RBFOX1: variants seen among roughly 807,000 people sequenced by gnomAD.
RBFOX1 encodes RNA binding protein fox-1 homolog 1.
RBFOX1 carries 8 observed loss-of-function variants against 57.7 expected under a neutral mutation model. That is an observed-to-expected ratio of 0.14 (90% CI 0.08 to 0.25). The LOEUF (loss-of-function observed/expected upper bound fraction) is 0.25, where lower values mean the gene tolerates loss of function less well. Ranked by LOEUF, RBFOX1 falls within the 10% of genes least tolerant of loss-of-function variation. The probability of loss-of-function intolerance (pLI) is 1.00; values close to 1 mark genes in which losing one functional copy is unlikely to be tolerated. For missense variants in RBFOX1, 611 were observed against 548.5 expected (o/e 1.11, Z -1.14); for synonymous variants, 326 against 222.4 (o/e 1.47, Z -4.15).
chr16:6,114,881 G>C (rs754796260), intron 1 of RBFOX1, among the ~76,000 whole-genome samples: 1 of 152,118 alleles, frequency 6.6e-6, no homozygotes, highest in Non-Finnish European at 1.5e-5. Context: ...TAACTCATAG[G>C]CACTGAGCCC....
chr16:5,632,270 G>A (rs1404592659), intron 3 of RBFOX1, among the ~76,000 whole-genome samples: 1 of 152,222 alleles, frequency 6.6e-6, no homozygotes. Context: ...GAGTAAGGAT[G>A]AATATGGGAG....
chr16:6,467,612 A>T (rs994213770), intron 2 of RBFOX1, among the ~76,000 whole-genome samples: 1 of 152,158 alleles, frequency 6.6e-6, no homozygotes, highest in Non-Finnish European at 1.5e-5. Context: ...GTTGTTTCCT[A>T]TTAAAAGGAA....
At chr16:6,940,368 C>T (rs1014607011) in intron 3 of RBFOX1, among the ~76,000 whole-genome samples, 2 of 152,164 alleles carry the variant, frequency 1.3e-5, no homozygotes, top group Admixed American at 1.3e-4. Context: ...ACATTGCTCA[C>T]TTCCCATCCG....
chr16:5,803,591 C>T (rs2055129840), intron 3 of RBFOX1, among the ~76,000 whole-genome samples: 1 of 152,284 alleles, frequency 6.6e-6, no homozygotes, highest in African/African-American at 2.4e-5. Flanking sequence ...CTCCACAAAG[C>T]ACACTTTGTT....
intron 3 of RBFOX1, among the ~76,000 whole-genome samples, chr16:6,817,941 T>C (rs1429927031): frequency 2.0e-5 from 3 of 152,146 alleles, no homozygotes; most frequent in African/African-American, 7.2e-5. Flanking sequence ...TGTCTCTCTG[T>C]TGGGCTTCAG....
chr16:6,788,016 A>T (rs967007070), intron 3 of RBFOX1, among the ~76,000 whole-genome samples: 2 of 152,090 alleles, frequency 1.3e-5, no homozygotes, highest in Non-Finnish European at 2.9e-5. Flanking sequence ...TGAGGTCAGG[A>T]GTTCGAGACC....
At chr16:6,170,440 T>A (rs2096951752) in intron 1 of RBFOX1, among the ~76,000 whole-genome samples, 1 of 152,174 alleles carries the variant, frequency 6.6e-6, no homozygotes, top group African/African-American at 2.4e-5. Flanking sequence ...AATTGTGGGC[T>A]CCTCTTCTGC....
chr16:7,420,375 G>A (rs890298600), intron 4 of RBFOX1, among the ~76,000 whole-genome samples: 1 of 152,146 alleles, frequency 6.6e-6, no homozygotes. Flanking sequence ...GGTTCAAAGA[G>A]ATTGAGGTAT....
chr16:5,327,806 C>A (rs1207716123), intron 1 of RBFOX1, among the ~76,000 whole-genome samples: 1 of 152,158 alleles, frequency 6.6e-6, no homozygotes, highest in Non-Finnish European at 1.5e-5. Flanking sequence ...CCTGTTAGTA[C>A]CCCTTGTAAA....
At chr16:5,858,972 T>C (rs983495768) in intron 3 of RBFOX1, among the ~76,000 whole-genome samples, 2 of 152,146 alleles carry the variant, frequency 1.3e-5, no homozygotes, top group Non-Finnish European at 2.9e-5. Context: ...CCCAGCCCTT[T>C]GGGAAGTTGA....
chr16:5,748,120 A>G (rs1328326235), intron 3 of RBFOX1, among the ~76,000 whole-genome samples: 1 of 152,070 alleles, frequency 6.6e-6, no homozygotes. Context: ...TTCTGCCTTC[A>G]TTTCGTTATG....
chr16:5,680,846 G>C (rs1596725072), intron 3 of RBFOX1, among the ~76,000 whole-genome samples: 1 of 152,078 alleles, frequency 6.6e-6, no homozygotes, highest in East Asian at 1.9e-4. Context: ...GCTAGACATA[G>C]AGTAATGAAC....
At chr16:6,261,968 G>C (rs1349016606) in intron 1 of RBFOX1, among the ~76,000 whole-genome samples, 1 of 152,054 alleles carries the variant, frequency 6.6e-6, no homozygotes, top group East Asian at 1.9e-4. Context: ...GACAAAGGAT[G>C]CAGTGAGCCA....
At position 6,964,870 on chromosome 16, in the gene RBFOX1, T is replaced by C. The variant is rs998968605; in HGVS notation, c.-15-87187T>C. Among the ~76,000 whole-genome samples, 4 of 152,156 alleles carry C rather than the reference T, an allele frequency of 2.6e-5. No individual in the cohort carries two copies. The East Asian group carries it at 7.7e-4, about 29-fold the overall frequency. ...CTCCCAGCTCCTTGCTGTGTGACCCTGGGCAAGTCACTCCTTAACCTCCTC... is the reference window on the plus strand; with the variant it reads ...CTCCCAGCTCCTTGCTGTGTGACCCCGGGCAAGTCACTCCTTAACCTCCTC... On this transcript the variant is annotated intron_variant, in intron 3 of 15. Coordinates refer to ENST00000550418, the MANE Select transcript of RBFOX1 (RefSeq NM_018723.4).
intron 3 of RBFOX1, among the ~76,000 whole-genome samples, chr16:6,803,590 A>C (rs529454105): frequency 6.6e-6 from 1 of 152,332 alleles, no homozygotes; most frequent in East Asian, 1.9e-4. Context: ...TGGTAAAATA[A>C]AGTAACTGAG....
chr16:6,265,833 G>A (rs868737244), intron 1 of RBFOX1, among the ~76,000 whole-genome samples: 1 of 151,966 alleles, frequency 6.6e-6, no homozygotes, highest in African/African-American at 2.4e-5. Context: ...CCCCTCTTCT[G>A]CCCAGATTCT....
At chr16:7,128,008 T>A (rs145486023) in intron 4 of RBFOX1, among the ~76,000 whole-genome samples, 1 of 152,322 alleles carries the variant, frequency 6.6e-6, no homozygotes, top group African/African-American at 2.4e-5. Context: ...GAAATCTGGT[T>A]CTTTGCTGTT....
chr16:6,676,339 G>C (rs1603350870), intron 3 of RBFOX1, among the ~76,000 whole-genome samples: 1 of 152,182 alleles, frequency 6.6e-6, no homozygotes, highest in East Asian at 1.9e-4. Flanking sequence ...AGTCAATTTT[G>C]GGGAGTCATG....
intron 4 of RBFOX1, among the ~76,000 whole-genome samples, chr16:7,290,713 C>G (rs1214760538): frequency 2.6e-5 from 4 of 152,184 alleles, no homozygotes; most frequent in Admixed American, 2.0e-4. Context: ...AAATACCGTT[C>G]TCATGGGACA....
Sources: gnomAD v4.1 joint callset for allele counts (sites outside exome capture counted in the v4.1 genomes callset) on GRCh38, gnomAD v4.1.1 for gene constraint, MANE v1.5 for transcripts, NCBI Gene and HGNC (gene_info 2026-07-23, HGNC 2026-07-21) for gene names.